The following GPC4 variants were observed in gnomAD, a reference collection of about 807,000 sequenced individuals.
GPC4 encodes glypican-4.
A neutral mutation model predicts 35.0 loss-of-function variants in GPC4; 10 were observed. The observed-to-expected ratio is 0.29, with a 90% CI of 0.18 to 0.48. The LOEUF (loss-of-function observed/expected upper bound fraction) is 0.48, where lower values mean the gene tolerates loss of function less well. GPC4 is among the 20% of genes least tolerant of loss of function. The probability of loss-of-function intolerance (pLI) is 0.99; values close to 1 mark genes in which losing one functional copy is unlikely to be tolerated. For synonymous variants in GPC4, 167 were observed against 170.2 expected (o/e 0.98, Z 0.15); for missense variants, 322 against 451.3 (o/e 0.71, Z 2.60).
rs775829174 is a variant in GPC4, at chrX:133,330,986, C to T, written c.320-6450G>A. ...AACAAACAAACAAACAAAAAACAGGCTGCTCCTTGGTGGACAGGCCAATCA... is the reference window on the plus strand; with the variant it reads ...AACAAACAAACAAACAAAAAACAGGTTGCTCCTTGGTGGACAGGCCAATCA... On this transcript the variant is annotated intron_variant, in intron 2 of 8. Coordinates refer to ENST00000370828, the MANE Select transcript of GPC4 (RefSeq NM_001448.3). Among the ~76,000 whole-genome samples, 6 of 110,993 alleles carry T rather than the reference C, an allele frequency of 5.4e-5. No individual in the cohort carries two copies. In the East Asian group the frequency reaches 1.7e-3, roughly 32 times the overall value.
Position 133,315,621 on chromosome X carries a change from G to A in GPC4, c.712-4198C>T, listed in dbSNP as rs185057720. Among the ~76,000 whole-genome samples the A allele has an allele frequency of 4.7e-3, 522 of 110,832 alleles. 3 individuals carry two copies. Among genetic ancestry groups the A allele is most frequent in the African/African-American group, 0.016 (487 of 30,494 alleles). On this transcript the variant is annotated intron_variant, in intron 3 of 8. Coordinates refer to ENST00000370828, the MANE Select transcript of GPC4 (RefSeq NM_001448.3). ...TTATTTGCTGAAGTAGATTTATTCC[G>A]TAAGACCCAAAACCAAGCAGTAGAT... is the stretch of plus-strand genomic sequence containing the variant.
chrX:133,362,285 A>C (rs769774261), intron 1 of GPC4, among the ~76,000 whole-genome samples: 1 of 110,271 alleles, frequency 9.1e-6, no homozygotes, highest in African/African-American at 3.3e-5. Context: ...AAGGGAACAG[A>C]AGAGGCAAGG....
intron 4 of GPC4, among the ~76,000 whole-genome samples, chrX:133,308,798 A>G (rs980424037): frequency 2.7e-5 from 3 of 111,107 alleles, no homozygotes; most frequent in East Asian, 5.7e-4. Context: ...CACTAGGGAA[A>G]GCGATTCCTT....
chrX:133,316,142 T>C (rs1940692365), intron 3 of GPC4, among the ~76,000 whole-genome samples: 2 of 112,142 alleles, frequency 1.8e-5, no homozygotes, highest in Non-Finnish European at 1.9e-5. Context: ...TAGATTTTAC[T>C]GGATTTTATT....
chrX:133,415,278 C>A lies in GPC4; in HGVS notation c.-313G>T. 1 of 251,133 alleles carries A rather than the reference C, an allele frequency of 4.0e-6. No homozygotes were observed. The allele number at this position is 251,133 out of a possible 1,213,427, so 20.7% of individuals were successfully genotyped here. A position where few individuals can be genotyped will look rare whatever the true frequency, so the allele number is the denominator to read the frequency against. ...GGGTTTCGCGGGGCAGCGAACCCGG[C>A]AAGCTGACTGGCCGGCGAGGCGGGG... On this transcript the variant is annotated 5_prime_UTR_variant, in exon 1 of 9. Transcript: ENST00000370828.
At chrX:133,322,810 T>C (rs2068372772) in intron 3 of GPC4, among the ~76,000 whole-genome samples, 1 of 112,415 alleles carries the variant, frequency 8.9e-6, no homozygotes, top group African/African-American at 3.2e-5. Context: ...CCAGGCTTTT[T>C]AGCAATGGCC....
intron 1 of GPC4, among the ~76,000 whole-genome samples, chrX:133,380,461 T>C (rs898087824): frequency 9.5e-6 from 1 of 105,717 alleles, no homozygotes; most frequent in Non-Finnish European, 1.9e-5. Flanking sequence ...AAGAATAATA[T>C]AGCCCCTCTG....
At chrX:133,359,474 G>A (rs1297927259) in intron 1 of GPC4, among the ~76,000 whole-genome samples, 1 of 111,244 alleles carries the variant, frequency 9.0e-6, no homozygotes, top group Non-Finnish European at 1.9e-5. Flanking sequence ...ATCCTGTAAG[G>A]CACAGCAGGT....
At chrX:133,355,098 G>C (rs1207510385) in intron 1 of GPC4, among the ~76,000 whole-genome samples, 2 of 111,827 alleles carry the variant, frequency 1.8e-5, no homozygotes, top group African/African-American at 6.5e-5. Flanking sequence ...GTTCTACCAG[G>C]CTATCCAGAA....
At position 133,395,061 on chromosome X, in the gene GPC4, C is replaced by T. The variant is rs145045386; in HGVS notation, c.160+19745G>A. ...TGTTCCTATTTTACCCCCAGCTACC[C>T]GCAAGCCCACAGTTCATTCACTGTA... is the stretch of plus-strand genomic sequence containing the variant. On this transcript the variant is annotated intron_variant, in intron 1 of 8. Coordinates refer to ENST00000370828, the MANE Select transcript of GPC4 (RefSeq NM_001448.3). 6.6e-3 allele frequency among the ~76,000 whole-genome samples: 731 copies of T among 111,327 alleles called. 8 individuals carry two copies. Among genetic ancestry groups the T allele is most frequent in the African/African-American group, 0.022 (676 of 30,685 alleles).
rs747976050 is a variant in GPC4, at chrX:133,344,191, G to GTTTTTTTTTTTT, written c.161-4862_161-4851dup. Among the ~76,000 whole-genome samples, 4 of 38,891 alleles carry GTTTTTTTTTTTT rather than the reference G, an allele frequency of 1.0e-4. 1 individual carries two copies. Among genetic ancestry groups the GTTTTTTTTTTTT allele is most frequent in the Non-Finnish European group, 1.6e-4 (3 of 19,226 alleles). 33.8% of individuals were successfully genotyped at this position (38,891 alleles called of 115,157 possible). On this transcript the variant is annotated intron_variant, in intron 1 of 8. Transcript: ENST00000370828. ...TCTTTATTTTCTTTCTTTCTTTCTG[G>GTTTTTTTTTTTT]TTTTTTTTTTTTTTTTTTTTTTTTT...
At chrX:133,304,319 AG>A (rs1250210415) in intron 7 of GPC4, among the ~76,000 whole-genome samples, 25 of 111,240 alleles carry the variant, frequency 2.2e-4, no homozygotes, top group African/African-American at 7.9e-4. Flanking sequence ...AACAAAAAAA[AG>A]TATGGGTACT....
chrX:133,386,036 A>C (rs1457972123), intron 1 of GPC4, among the ~76,000 whole-genome samples: 2 of 109,157 alleles, frequency 1.8e-5, no homozygotes. Context: ...AACTCAAAAA[A>C]TAAAAATAAA....
intron 1 of GPC4, among the ~76,000 whole-genome samples, chrX:133,357,668 T>C (rs752492920): frequency 2.7e-5 from 3 of 111,042 alleles, no homozygotes; most frequent in Admixed American, 1.9e-4. Flanking sequence ...CACGTCACCA[T>C]GCCCAGCTTA....
chrX:133,305,612 A>G (rs1317555504), intron 6 of GPC4, among the ~76,000 whole-genome samples, 160 bp downstream of exon 6: 1 of 112,583 alleles, frequency 8.9e-6, no homozygotes, highest in African/African-American at 3.2e-5. Flanking sequence ...TCTGGGCTAG[A>G]AAATGGGACA....
chrX:133,404,546 C>CAAAAAAAAAAAAAAAAAAAAAAAAAAA (rs766777711), intron 1 of GPC4, among the ~76,000 whole-genome samples: 3 of 37,374 alleles, frequency 8.0e-5, no homozygotes, highest in African/African-American at 5.1e-4. Flanking sequence ...GACTCTGCCT[C>CAAAAAAAAAAAAAAAAAAAAAAAAAAA]AAAAAAAAAA....
intron 2 of GPC4, among the ~76,000 whole-genome samples, chrX:133,332,243 C>G (rs896809558): frequency 6.3e-5 from 7 of 111,843 alleles, no homozygotes; most frequent in Non-Finnish European, 1.3e-4. Flanking sequence ...ATAATCCCCA[C>G]TGCTAAAAGA....
intron 1 of GPC4, among the ~76,000 whole-genome samples, chrX:133,383,093 C>T (rs1038353998): frequency 5.4e-5 from 6 of 111,886 alleles, no homozygotes; most frequent in Admixed American, 1.9e-4. Context: ...CAAAACCTTG[C>T]ACACAGATGT....
At chrX:133,313,622 A>T (rs1443346275) in intron 3 of GPC4, among the ~76,000 whole-genome samples, 1 of 111,744 alleles carries the variant, frequency 8.9e-6, no homozygotes, top group Non-Finnish European at 1.9e-5. Flanking sequence ...TGAGAAGCAT[A>T]GGATCACAGA....
Sources: gnomAD v4.1 joint callset for allele counts (sites outside exome capture counted in the v4.1 genomes callset) on GRCh38, gnomAD v4.1.1 for gene constraint, MANE v1.5 for transcripts, NCBI Gene and HGNC (gene_info 2026-07-23, HGNC 2026-07-21) for gene names.